The following OTUD7A variants were observed in gnomAD, a reference collection of about 807,000 sequenced individuals.
OTUD7A encodes OTU deubiquitinase 7A, also known as OTU domain-containing protein 7A.
OTUD7A carries 12 observed loss-of-function variants against 65.7 expected under a neutral mutation model. The ratio of observed to expected loss-of-function variants is 0.18; its 90% CI spans 0.12 to 0.30. The LOEUF (loss-of-function observed/expected upper bound fraction) is 0.30, where lower values mean the gene tolerates loss of function less well. Ranked by LOEUF, OTUD7A falls within the 10% of genes least tolerant of loss-of-function variation. The probability of loss-of-function intolerance (pLI) is 1.00; values close to 1 mark genes in which losing one functional copy is unlikely to be tolerated. For missense variants in OTUD7A, 1,148 were observed against 1,304.8 expected (o/e 0.88, Z 1.85); for synonymous variants, 641 against 586.3 (o/e 1.09, Z -1.35).
chr15:31,536,906 A>G (rs1490868719), intron 5 of OTUD7A, among the ~76,000 whole-genome samples: 3 of 152,226 alleles, frequency 2.0e-5, no homozygotes, highest in Non-Finnish European at 4.4e-5. Context: ...GATGGAATAC[A>G]TTCAATGTTG....
intron 1 of OTUD7A, among the ~76,000 whole-genome samples, chr15:31,692,154 T>TA (rs1892973199): frequency 2.6e-5 from 1 of 38,270 alleles, no homozygotes; most frequent in African/African-American, 4.3e-5. Context: ...CTCAAGAAAC[T>TA]AAAAATAGAA....
intron 1 of OTUD7A, among the ~76,000 whole-genome samples, chr15:31,659,231 C>T (rs575089856): frequency 1.8e-4 from 28 of 152,246 alleles, no homozygotes; most frequent in African/African-American, 5.8e-4. Flanking sequence ...GTGGTCTGAT[C>T]CCTGGGGACA....
intron 8 of OTUD7A, among the ~76,000 whole-genome samples, chr15:31,517,612 G>GC (rs2041876765): frequency 6.6e-6 from 1 of 152,138 alleles, no homozygotes; most frequent in Non-Finnish European, 1.5e-5. Flanking sequence ...CATGCTTTGG[G>GC]CCCCACACAC....
At chr15:31,667,511 C>T (rs1197094646) in intron 1 of OTUD7A, among the ~76,000 whole-genome samples, 1 of 152,162 alleles carries the variant, frequency 6.6e-6, no homozygotes, top group Admixed American at 6.5e-5. Flanking sequence ...TTTAAGTTTA[C>T]GTGAGTCCTT....
chr15:31,629,488 G>A (rs1419036590), intron 3 of OTUD7A, among the ~76,000 whole-genome samples: 1 of 152,046 alleles, frequency 6.6e-6, no homozygotes, highest in African/African-American at 2.4e-5. Context: ...TGCTGGATTC[G>A]GTCTGCCAGT....
At chr15:31,663,536 T>C (rs1323881188) in intron 1 of OTUD7A, among the ~76,000 whole-genome samples, 1 of 151,182 alleles carries the variant, frequency 6.6e-6, no homozygotes, top group Non-Finnish European at 1.5e-5. Flanking sequence ...CATGTGGTGT[T>C]TGGTTTTCTG....
chr15:31,649,389 A>G (rs1047822522), intron 3 of OTUD7A, among the ~76,000 whole-genome samples: 1 of 152,116 alleles, frequency 6.6e-6, no homozygotes, highest in Non-Finnish European at 1.5e-5. Context: ...GATTCCCATC[A>G]TTGCAGTGTT....
At chr15:31,839,766 C>A (rs1050340418) in intron 1 of OTUD7A, among the ~76,000 whole-genome samples, 1 of 152,138 alleles carries the variant, frequency 6.6e-6, no homozygotes. Context: ...TAAATAAGGG[C>A]ATCGGTCACC....
At chr15:31,747,838 C>T (rs886515131) in intron 1 of OTUD7A, among the ~76,000 whole-genome samples, 4 of 152,174 alleles carry the variant, frequency 2.6e-5, no homozygotes, top group African/African-American at 9.7e-5. Context: ...AAATCAACAC[C>T]ATACGCCTTT....
rs564851519 is a variant in OTUD7A, at chr15:31,616,894, G to A, written c.151+38202C>T. On this transcript the variant is annotated intron_variant, in intron 3 of 12. Transcript: ENST00000307050. ...AAAGAATATGTGACAGGAAGCATGT[G>A]TAGCTTGCAAAGCCCAAAGTACTTA... 1.2e-4 allele frequency among the ~76,000 whole-genome samples: 19 copies of A among 152,272 alleles called. No individual in the cohort carries two copies. In the East Asian group the frequency reaches 3.7e-3, roughly 29 times the overall value.
chr15:31,766,257 G>A (rs568231814), intron 1 of OTUD7A: 19 of 1,586,498 alleles, frequency 1.2e-5, no homozygotes, highest in African/African-American at 8.1e-5. Flanking sequence ...CAGTGATCTC[G>A]CACCCATTGC....
chr15:31,667,859 T>C (rs11071267), intron 1 of OTUD7A, among the ~76,000 whole-genome samples: 46,515 of 152,032 alleles, frequency 0.31, 8,333 homozygotes, highest in African/African-American at 0.49. Flanking sequence ...TGGTCAATTC[T>C]CTCTGTATTT....
At chr15:31,680,672 C>A (rs1352781829) in intron 1 of OTUD7A, among the ~76,000 whole-genome samples, 1 of 152,134 alleles carries the variant, frequency 6.6e-6, no homozygotes, top group Non-Finnish European at 1.5e-5. Context: ...AACCATACTT[C>A]AAGCATCATT....
intron 4 of OTUD7A, among the ~76,000 whole-genome samples, chr15:31,561,549 A>G (rs1303999111): frequency 1.3e-5 from 2 of 152,166 alleles, no homozygotes; most frequent in African/African-American, 2.4e-5. Flanking sequence ...CAGCACCCAC[A>G]TGAGACACTT....
At chr15:31,833,905 C>T (rs1485505269) in intron 1 of OTUD7A, among the ~76,000 whole-genome samples, 1 of 152,202 alleles carries the variant, frequency 6.6e-6, no homozygotes, top group Non-Finnish European at 1.5e-5. Context: ...CCCTGGAGGC[C>T]CCGCTCTGCT....
chr15:31,753,207 T>C (rs1362433819), intron 1 of OTUD7A, among the ~76,000 whole-genome samples: 1 of 151,732 alleles, frequency 6.6e-6, no homozygotes, highest in African/African-American at 2.4e-5. Context: ...AATGTTCACA[T>C]AGTGAAAAAG....
intron 3 of OTUD7A, among the ~76,000 whole-genome samples, chr15:31,595,725 A>G (rs4779543): frequency 0.33 from 50,962 of 152,186 alleles, 11,369 homozygotes; most frequent in African/African-American, 0.64. Context: ...GTGTCAGCAG[A>G]GCCGTGGTCC....
At chr15:31,866,188 A>G (rs1252162779) in intron 1 of OTUD7A, among the ~76,000 whole-genome samples, 1 of 152,252 alleles carries the variant, frequency 6.6e-6, no homozygotes, top group Admixed American at 6.5e-5. Context: ...TTGTGGAATC[A>G]TGCAATTTTA....
chr15:31,776,236 T>C (rs569049321), intron 1 of OTUD7A, among the ~76,000 whole-genome samples: 35 of 152,332 alleles, frequency 2.3e-4, no homozygotes, highest in African/African-American at 8.4e-4. Flanking sequence ...TGTCTTAAGC[T>C]TATTCCACAT....
Sources: allele counts gnomAD v4.1 joint callset (sites outside exome capture counted in the v4.1 genomes callset), GRCh38; gene constraint gnomAD v4.1.1; transcripts MANE v1.5; gene names NCBI Gene and HGNC (gene_info 2026-07-23, HGNC 2026-07-21).